Variants in SEL1L2 observed in about 807,000 individuals in gnomAD.
SEL1L2 encodes the protein protein sel-1 homolog 2.
A neutral mutation model predicts 98.8 loss-of-function variants in SEL1L2; 89 were observed. The ratio of observed to expected loss-of-function variants is 0.90; its 90% CI spans 0.76 to 1.07. The LOEUF is 1.07. SEL1L2 is among the 50% of genes least tolerant of loss of function. The pLI is 0.00. For synonymous variants in SEL1L2, 262 were observed against 278.5 expected (o/e 0.94, Z 0.59); for missense variants, 788 against 812.0 (o/e 0.97, Z 0.36).
chr20:13,937,409 C>CA (rs1315804526), intron 2 of SEL1L2, among the ~76,000 whole-genome samples: 1 of 152,186 alleles, frequency 6.6e-6, no homozygotes, highest in African/African-American at 2.4e-5. Context: ...TCGTGCCTTA[C>CA]AAAGTCTAGG....
At chr20:13,958,126 T>C (rs1028076856) in intron 1 of SEL1L2, among the ~76,000 whole-genome samples, 1 of 152,210 alleles carries the variant, frequency 6.6e-6, no homozygotes, top group Non-Finnish European at 1.5e-5. Flanking sequence ...CATCTGGCTT[T>C]AAGTCAAACA....
chr20:13,877,404 G>T, intron 11 of SEL1L2, 116 bp downstream of exon 11: 1 of 740,988 alleles, frequency 1.3e-6, no homozygotes, highest in Non-Finnish European at 2.3e-6. Flanking sequence ...TGTGCTCAAT[G>T]ATCTTTCCAC....
intron 1 of SEL1L2, among the ~76,000 whole-genome samples, chr20:13,988,962 G>A (rs560921038): frequency 2.0e-5 from 3 of 152,132 alleles, no homozygotes; most frequent in Admixed American, 6.5e-5. Flanking sequence ...GCAGTGAGCC[G>A]AGATCACGTC....
intron 5 of SEL1L2, among the ~76,000 whole-genome samples, chr20:13,893,429 T>G (rs2047290547): frequency 6.6e-6 from 1 of 152,130 alleles, no homozygotes; most frequent in South Asian, 2.1e-4. Flanking sequence ...AAGAAGAACA[T>G]TATATAATGA....
intron 5 of SEL1L2, among the ~76,000 whole-genome samples, chr20:13,889,747 C>T (rs567269518): frequency 2.0e-5 from 3 of 152,144 alleles, no homozygotes; most frequent in South Asian, 2.1e-4. Flanking sequence ...ACCAAGATCG[C>T]GCCACTGCAC....
intron 2 of SEL1L2, among the ~76,000 whole-genome samples, chr20:13,948,056 AC>A (rs1320917592): frequency 1.3e-5 from 2 of 152,218 alleles, no homozygotes; most frequent in Non-Finnish European, 2.9e-5. Context: ...TCTGAGCAAA[AC>A]TTGGGCAAAG....
chr20:13,866,436 G>C lies in SEL1L2; in HGVS notation c.1404+266C>G, dbSNP rs181290620. On this transcript the variant is annotated intron_variant, in intron 15 of 19. Coordinates refer to ENST00000284951, the MANE Select transcript of SEL1L2 (RefSeq NM_025229.2). ...TGATTTGATTGAATGCTGAAACAGA[G>C]CTCCTTAACTGCATGTTGAGGTGAG... Among the ~76,000 whole-genome samples, 675 of 152,312 alleles carry C rather than the reference G, an allele frequency of 4.4e-3. 6 individuals are homozygous for C. The highest frequency in any genetic ancestry group is 0.016 in the African/African-American group (647 of 41,560).
intron 11 of SEL1L2, 120 bp from the exon 12 acceptor site, chr20:13,876,235 T>C: frequency 1.4e-6 from 1 of 710,084 alleles, no homozygotes; most frequent in Non-Finnish European, 2.5e-6. Flanking sequence ...AATGCCACTG[T>C]AAATGCCACT....
At chr20:13,937,802 A>C (rs1308275990) in intron 2 of SEL1L2, among the ~76,000 whole-genome samples, 1 of 152,200 alleles carries the variant, frequency 6.6e-6, no homozygotes, top group Non-Finnish European at 1.5e-5. Flanking sequence ...TGAATATGTG[A>C]GTTTCTTTAT....
intron 5 of SEL1L2, among the ~76,000 whole-genome samples, chr20:13,911,808 C>T (rs1600718288): frequency 6.6e-6 from 1 of 151,994 alleles, no homozygotes; most frequent in Non-Finnish European, 1.5e-5. Context: ...AGAAAATATT[C>T]CAGAAGAATA....
chr20:13,975,992 TTTTGTTTG>T (rs137916088), intron 1 of SEL1L2, among the ~76,000 whole-genome samples: 4 of 150,548 alleles, frequency 2.7e-5, no homozygotes, highest in Admixed American at 2.0e-4. Context: ...CACCAAGGTT[TTTTGTTTG>T]TTTGTTTGTT....
intron 1 of SEL1L2, among the ~76,000 whole-genome samples, chr20:13,964,481 T>G (rs2050945646): frequency 6.7e-6 from 1 of 149,592 alleles, no homozygotes; most frequent in South Asian, 2.2e-4. Context: ...AGACAGAGTT[T>G]CGCTCTTGTT....
chr20:13,897,966 A>G lies in SEL1L2; in HGVS notation c.550-9454T>C, dbSNP rs534010056. ...AACACACACACACACACACACCCCA[A>G]AAAAACCCAGAAAATAAAAACCGCT... On this transcript the variant is annotated intron_variant, in intron 5 of 19. Transcript: ENST00000284951. Among the ~76,000 whole-genome samples the G allele has an allele frequency of 1.1e-4, 16 of 152,180 alleles. No individual in the cohort carries two copies. The South Asian group carries it at 3.3e-3, about 32-fold the overall frequency.
intron 2 of SEL1L2, among the ~76,000 whole-genome samples, chr20:13,936,633 C>A (rs961803179): frequency 6.6e-6 from 1 of 152,184 alleles, no homozygotes; most frequent in Non-Finnish European, 1.5e-5. Context: ...CCATTCCCTA[C>A]CCTCCTGCGC....
chr20:13,854,711 A>G (rs1488368762), intron 18 of SEL1L2, among the ~76,000 whole-genome samples: 6 of 152,198 alleles, frequency 3.9e-5, no homozygotes, highest in Non-Finnish European at 7.3e-5. Context: ...TAAATGAATG[A>G]AAAGCAGAGT....
chr20:13,976,551 T>C (rs2148530218), intron 1 of SEL1L2, among the ~76,000 whole-genome samples: 1 of 152,266 alleles, frequency 6.6e-6, no homozygotes, highest in South Asian at 2.1e-4. Flanking sequence ...AATACGTGTG[T>C]AGCTAAGACA....
At position 13,939,776 on chromosome 20, in the gene SEL1L2, C is replaced by T. The variant is rs944771659; in HGVS notation, c.115-8005G>A. 2.7e-5 allele frequency among the ~76,000 whole-genome samples: 4 copies of T among 149,664 alleles called. No individual in the cohort carries two copies. In the South Asian group the frequency reaches 8.4e-4, roughly 31 times the overall value. ...CCACCTCCCAAGTTCAAGCAATTCT[C>T]ATGCCTCAGCCTCCCAAGTAGCTGG... On this transcript the variant is annotated intron_variant, in intron 2 of 19. Transcript: ENST00000284951.
chr20:13,948,618 A>T (rs1413687716), intron 2 of SEL1L2, among the ~76,000 whole-genome samples: 1 of 152,192 alleles, frequency 6.6e-6, no homozygotes, highest in Non-Finnish European at 1.5e-5. Flanking sequence ...TGTATCAAAG[A>T]CCTAAATACA....
intron 2 of SEL1L2, among the ~76,000 whole-genome samples, chr20:13,953,836 A>G (rs879322494): frequency 2.6e-5 from 4 of 152,122 alleles, no homozygotes; most frequent in Admixed American, 2.6e-4. Flanking sequence ...AGCTGAACTA[A>G]GGAGAAAGTC....
Sources: allele counts gnomAD v4.1 joint callset (sites outside exome capture counted in the v4.1 genomes callset), GRCh38; gene constraint gnomAD v4.1.1; transcripts MANE v1.5; gene names NCBI Gene and HGNC (gene_info 2026-07-23, HGNC 2026-07-21).